Variants in COP1 observed in about 807,000 individuals in gnomAD.
COP1 encodes COP1 E3 ubiquitin ligase, also known as E3 ubiquitin-protein ligase COP1.
In COP1, 24 loss-of-function variants were observed where a neutral mutation model predicts 101.3. That is an observed-to-expected ratio of 0.24 (90% CI 0.17 to 0.33). The LOEUF (loss-of-function observed/expected upper bound fraction) is 0.33, where lower values mean the gene tolerates loss of function less well. Among genes scored for constraint, COP1 ranks in the 10% least tolerant of loss-of-function variants. The probability of loss-of-function intolerance (pLI) is 1.00; values close to 1 mark genes in which losing one functional copy is unlikely to be tolerated. For synonymous variants in COP1, 347 were observed against 341.9 expected (o/e 1.01, Z -0.17); for missense variants, 663 against 906.2 (o/e 0.73, Z 3.45).
At chr1:176,185,024 A>G (rs539205904) in intron 1 of COP1, among the ~76,000 whole-genome samples, 23 of 152,262 alleles carry the variant, frequency 1.5e-4, no homozygotes, top group Non-Finnish European at 2.9e-4. Context: ...AAGCTCTACC[A>G]TCGTTTTCCA....
In COP1 at chr1:176,051,080, C is replaced by A. The variant is rs187744426; in HGVS notation, c.1278-4756G>T. The stretch of plus-strand genomic sequence containing the variant: ...GGGATAAAAAAAAGAATAAGGTAGC[C>A]TCACCGGTTTTATAATTAGTAGAAG... On this transcript the variant is annotated intron_variant, in intron 11 of 19. Coordinates refer to ENST00000367669, the MANE Select transcript of COP1 (RefSeq NM_022457.7). Among the ~76,000 whole-genome samples the A allele has an allele frequency of 3.3e-5, 5 of 152,102 alleles. No homozygotes were observed. The East Asian group carries it at 9.7e-4, about 29-fold the overall frequency.
At chr1:176,002,355 T>A (rs535745247) in intron 15 of COP1, among the ~76,000 whole-genome samples, 5 of 152,144 alleles carry the variant, frequency 3.3e-5, no homozygotes, top group Admixed American at 2.0e-4. Flanking sequence ...TTTTTATTTA[T>A]TTATTTATTT....
At chr1:176,191,647 C>A (rs907915762) in intron 1 of COP1, among the ~76,000 whole-genome samples, 14 of 152,052 alleles carry the variant, frequency 9.2e-5, no homozygotes, top group African/African-American at 3.4e-4. Flanking sequence ...AACACTAGAT[C>A]CTCTGAACCA....
chr1:176,023,167 C>T (rs1488286145), intron 15 of COP1, among the ~76,000 whole-genome samples: 1 of 152,184 alleles, frequency 6.6e-6, no homozygotes, highest in African/African-American at 2.4e-5. Flanking sequence ...AGAGTCATTA[C>T]AGGAAGCCAA....
At chr1:176,028,896 TG>T (rs1388109442) in intron 14 of COP1, among the ~76,000 whole-genome samples, 1 of 151,212 alleles carries the variant, frequency 6.6e-6, no homozygotes, top group Non-Finnish European at 1.5e-5. Context: ...TAGCTAGGTG[TG>T]TGTCACCAGG....
At chr1:176,146,968 A>T (rs1474720781) in intron 6 of COP1, among the ~76,000 whole-genome samples, 4 of 152,234 alleles carry the variant, frequency 2.6e-5, no homozygotes, top group African/African-American at 9.6e-5. Flanking sequence ...GAATCTTAAC[A>T]TTAAATCCAA....
At chr1:176,145,541 T>C (rs1691447860) in intron 6 of COP1, among the ~76,000 whole-genome samples, 1 of 152,178 alleles carries the variant, frequency 6.6e-6, no homozygotes, top group South Asian at 2.1e-4. Flanking sequence ...AACATAAACC[T>C]GGATACACAT....
At chr1:176,137,848 T>G (rs2149749880) in intron 6 of COP1, among the ~76,000 whole-genome samples, 1 of 152,230 alleles carries the variant, frequency 6.6e-6, no homozygotes, top group African/African-American at 2.4e-5. Flanking sequence ...ATTCAAGTAT[T>G]TACCAATTCT....
intron 11 of COP1, among the ~76,000 whole-genome samples, chr1:176,053,920 T>C (rs939926059): frequency 4.6e-5 from 7 of 152,144 alleles, no homozygotes; most frequent in Non-Finnish European, 8.8e-5. Flanking sequence ...ATTTCTCTAC[T>C]CACTCTACAT....
At chr1:176,165,064 C>T (rs1471625330) in intron 3 of COP1, among the ~76,000 whole-genome samples, 1 of 152,082 alleles carries the variant, frequency 6.6e-6, no homozygotes, top group East Asian at 1.9e-4. Flanking sequence ...TTGAAAACAA[C>T]AAACAGATAC....
intron 15 of COP1, among the ~76,000 whole-genome samples, chr1:175,995,784 C>A (rs1179089786): frequency 6.6e-6 from 1 of 152,144 alleles, no homozygotes; most frequent in East Asian, 1.9e-4. Flanking sequence ...GAGTCCAGGA[C>A]CAGATGGATT....
intron 1 of COP1, among the ~76,000 whole-genome samples, chr1:176,200,655 A>G (rs1267616358): frequency 9.2e-5 from 14 of 152,214 alleles, no homozygotes; most frequent in Admixed American, 9.2e-4. Flanking sequence ...ATAAAACTTA[A>G]TTGTGAAAAA....
intron 18 of COP1, among the ~76,000 whole-genome samples, chr1:175,949,215 C>G (rs1481504578): frequency 1.1e-5 from 1 of 94,448 alleles, no homozygotes; most frequent in Non-Finnish European, 2.0e-5. Context: ...ATACAATACT[C>G]ACTATTAGAA....
At chr1:176,018,201 T>C (rs996144961) in intron 15 of COP1, among the ~76,000 whole-genome samples, 3 of 152,208 alleles carry the variant, frequency 2.0e-5, no homozygotes, top group African/African-American at 4.8e-5. Flanking sequence ...CAATCCACAA[T>C]AGATATACAA....
intron 8 of COP1, among the ~76,000 whole-genome samples, chr1:176,121,481 A>C (rs2149634466): frequency 6.7e-6 from 1 of 150,154 alleles, no homozygotes; most frequent in Admixed American, 6.7e-5. Context: ...CTTACTAAGT[A>C]CCAGACATTA....
chr1:175,983,683 T>C (rs567476075), intron 18 of COP1, among the ~76,000 whole-genome samples: 2 of 152,234 alleles, frequency 1.3e-5, no homozygotes, highest in South Asian at 2.1e-4. Context: ...GTGGGAAAAT[T>C]TGGAACTCCC....
intron 11 of COP1, among the ~76,000 whole-genome samples, chr1:176,058,880 C>T (rs1244792187): frequency 6.6e-6 from 1 of 151,630 alleles, no homozygotes; most frequent in African/African-American, 2.4e-5. Context: ...CTGACTTCAA[C>T]TACTGGACTT....
At chr1:176,030,964 GAGA>G (rs1668557929) in intron 14 of COP1, among the ~76,000 whole-genome samples, 1 of 152,162 alleles carries the variant, frequency 6.6e-6, no homozygotes. Context: ...AAGGCACAGT[GAGA>G]AGAAGGCCAT....
intron 15 of COP1, among the ~76,000 whole-genome samples, chr1:176,022,406 C>A (rs981733565): frequency 1.3e-5 from 2 of 152,146 alleles, no homozygotes; most frequent in Non-Finnish European, 2.9e-5. Flanking sequence ...AAGAAAAGTA[C>A]AGCCCATTCC....
Sources: gnomAD v4.1 joint callset for allele counts (sites outside exome capture counted in the v4.1 genomes callset) on GRCh38, gnomAD v4.1.1 for gene constraint, MANE v1.5 for transcripts, NCBI Gene and HGNC (gene_info 2026-07-23, HGNC 2026-07-21) for gene names.